LYZL1: variants seen among roughly 807,000 people sequenced by gnomAD.
The protein encoded by LYZL1 is lysozyme-like protein 1.
In LYZL1, 16 loss-of-function variants were observed where a neutral mutation model predicts 17.9. The ratio of observed to expected loss-of-function variants is 0.90; its 90% confidence interval spans 0.61 to 1.36. The LOEUF (loss-of-function observed/expected upper bound fraction) is 1.36. Among genes scored for constraint, LYZL1 ranks in the 40% most tolerant of loss-of-function variants. LYZL1 has a pLI of 0.00. For synonymous variants in LYZL1, 58 were observed against 71.8 expected, an observed-to-expected ratio of 0.81 and a Z score of 0.97; for missense variants, 149 against 188.4, an observed-to-expected ratio of 0.79 and a Z score of 1.22.
intron 3 of LYZL1, among the ~76,000 whole-genome samples, chr10:29,294,863 G>A (rs996997179): frequency 1.3e-5 from 2 of 152,106 alleles, no homozygotes; most frequent in African/African-American, 4.8e-5. Context: ...ATGACAAAGT[G>A]TAAGTTATAA....
intron 3 of LYZL1, among the ~76,000 whole-genome samples, chr10:29,293,013 A>G (rs1418747857): frequency 6.6e-6 from 1 of 152,150 alleles, no homozygotes; most frequent in Non-Finnish European, 1.5e-5. Context: ...TCCATAAGCA[A>G]TTCGCTCAGA....
chr10:29,307,157 C>G (rs369023864), intron 3 of LYZL1, among the ~76,000 whole-genome samples: 1 of 152,086 alleles, frequency 6.6e-6, no homozygotes. Context: ...CCCGGCTACT[C>G]TCAGCAAATT....
At chr10:29,296,352 C>A (rs760555808) in intron 3 of LYZL1, among the ~76,000 whole-genome samples, 8 of 152,132 alleles carry the variant, frequency 5.3e-5, no homozygotes, top group Non-Finnish European at 7.4e-5. Flanking sequence ...GAACCAACAA[C>A]AACAACAACA....
chr10:29,302,783 C>T (rs1326190866), intron 3 of LYZL1, among the ~76,000 whole-genome samples: 5 of 152,196 alleles, frequency 3.3e-5, no homozygotes, highest in African/African-American at 9.7e-5. Context: ...GACACAGTTG[C>T]TTCCTTGCCT....
At chr10:29,307,332 T>A (rs1299908892) in intron 3 of LYZL1, among the ~76,000 whole-genome samples, 1 of 152,226 alleles carries the variant, frequency 6.6e-6, no homozygotes, top group Non-Finnish European at 1.5e-5. Context: ...TCAACTTTGA[T>A]AGATTTTGCA....
intron 3 of LYZL1, among the ~76,000 whole-genome samples, chr10:29,298,731 C>G (rs1835478442): frequency 6.6e-6 from 1 of 152,080 alleles, no homozygotes; most frequent in African/African-American, 2.4e-5. Context: ...CCAGGATGAG[C>G]TTTTATTATA....
chr10:29,298,321 A>G (rs1049506579), intron 3 of LYZL1, among the ~76,000 whole-genome samples: 1 of 152,152 alleles, frequency 6.6e-6, no homozygotes, highest in Non-Finnish European at 1.5e-5. Context: ...CCTTCAAGGG[A>G]TGTGACTTGT....
chr10:29,315,139 T>A (rs1286149802), downstream of LYZL1, among the ~76,000 whole-genome samples: 2 of 152,184 alleles, frequency 1.3e-5, no homozygotes, highest in African/African-American at 2.4e-5. Context: ...AGGAAAATGC[T>A]CTGGATGTCT....
Position 29,292,625 on chromosome 10 carries a change from G to A in LYZL1, c.246G>A (p.Trp82Ter), listed in dbSNP as rs766483684. Residue 82 changes from tryptophan to a stop codon, truncating the protein, a stop_gained, in exon 3 of 5, where the codon TGG becomes TGA. Transcript: ENST00000649382. LOFTEE classifies it high-confidence loss of function. The stretch of plus-strand genomic sequence containing the variant: ...TCTTCCAGATCAACAGCTTCGCGTG[G>A]TGCAGACGCGGAAAGCTGAAGGAGA... ...YGIFQINSFAWCRRGKLKENN... is the reference protein window; with the variant it reads ...YGIFQINSFA The A allele has an allele frequency of 3.7e-6, 6 of 1,614,132 alleles. No homozygotes were observed. In the South Asian group the frequency reaches 6.6e-5, roughly 18 times the overall value.
At position 29,309,328 on chromosome 10, in the gene LYZL1, CACAAAA is replaced by C. The variant is rs879487469; in HGVS notation, c.299-757_299-752del. Among the ~76,000 whole-genome samples the C allele has an allele frequency of 1.0e-3, 152 of 151,912 alleles. 1 individual carries two copies. The highest frequency in any genetic ancestry group is 1.5e-3 in the Non-Finnish European group (104 of 67,948). On this transcript the variant is annotated intron_variant, in intron 3 of 4. Coordinates refer to ENST00000649382, the MANE Select transcript of LYZL1 (RefSeq NM_032517.6). ...TGGGTGACAGAATGAGATTCTGTCT[CACAAAA>C]ACAAAAACAAAAACAAAAACAAAAC... is the stretch of plus-strand genomic sequence containing the variant.
At chr10:29,304,456 T>C (rs957762580) in intron 3 of LYZL1, among the ~76,000 whole-genome samples, 2 of 152,146 alleles carry the variant, frequency 1.3e-5, no homozygotes, top group African/African-American at 4.8e-5. Flanking sequence ...AGATTTCACT[T>C]GGGAGGCAGG....
chr10:29,301,658 T>G (rs1018276472), intron 3 of LYZL1, among the ~76,000 whole-genome samples: 4 of 152,266 alleles, frequency 2.6e-5, no homozygotes, highest in Non-Finnish European at 5.9e-5. Context: ...TGTGTGATAT[T>G]TGTGTTTATC....
At chr10:29,312,058 G>C (rs997871638), downstream of LYZL1, among the ~76,000 whole-genome samples, 8 of 152,312 alleles carry the variant, frequency 5.3e-5, no homozygotes, top group Non-Finnish European at 8.8e-5. Context: ...CCAACAATCT[G>C]GGAAGCCAAG....
chr10:29,301,099 G>A (rs4749410), intron 3 of LYZL1, among the ~76,000 whole-genome samples: 8 of 151,872 alleles, frequency 5.3e-5, no homozygotes, highest in East Asian at 1.9e-4. Flanking sequence ...GGAGGAACTC[G>A]GTGGGAGGTG....
At chr10:29,310,494 G>T (rs1228382181) in intron 4 of LYZL1, among the ~76,000 whole-genome samples, 4 of 146,208 alleles carry the variant, frequency 2.7e-5, no homozygotes, top group Non-Finnish European at 6.0e-5. Context: ...GAATCAATTC[G>T]AGAGAGGAAA....
downstream of LYZL1, among the ~76,000 whole-genome samples, chr10:29,311,574 G>T (rs1377247915): frequency 1.3e-5 from 2 of 152,158 alleles, no homozygotes; most frequent in African/African-American, 4.8e-5. Flanking sequence ...GAGAGATAGG[G>T]CAACTGAGAT....
intron 3 of LYZL1, among the ~76,000 whole-genome samples, chr10:29,298,690 G>A (rs1588659460): frequency 6.6e-6 from 1 of 152,290 alleles, no homozygotes; most frequent in Admixed American, 6.5e-5. Context: ...AAAGGCAAGA[G>A]GAATGCCCAG....
intron 3 of LYZL1, among the ~76,000 whole-genome samples, chr10:29,316,836 C>G (rs1835738974): frequency 6.6e-6 from 1 of 152,018 alleles, no homozygotes; most frequent in South Asian, 2.1e-4. Flanking sequence ...CCCTCCTCAG[C>G]CTCCCACGTA....
chr10:29,299,154 G>A (rs1488299761), intron 3 of LYZL1, among the ~76,000 whole-genome samples: 1 of 152,132 alleles, frequency 6.6e-6, no homozygotes, highest in African/African-American at 2.4e-5. Flanking sequence ...TGATCCAACA[G>A]GAGGTGAAGC....
Sources: allele counts gnomAD v4.1 joint callset (sites outside exome capture counted in the v4.1 genomes callset), GRCh38; gene constraint gnomAD v4.1.1; transcripts MANE v1.5; gene names NCBI Gene and HGNC (gene_info 2026-07-23, HGNC 2026-07-21).